NAA50: variants seen among roughly 807,000 people sequenced by gnomAD.
The protein encoded by NAA50 is N-alpha-acetyltransferase 50, NatE catalytic subunit.
NAA50 carries 7 observed loss-of-function variants against 20.7 expected under a neutral mutation model. The ratio of observed to expected loss-of-function variants is 0.34; its 90% CI spans 0.19 to 0.63. The LOEUF is 0.63. Ranked by LOEUF, NAA50 falls within the 30% of genes least tolerant of loss-of-function variation. The pLI is 0.75. For missense variants in NAA50, 111 were observed against 199.1 expected, an observed-to-expected ratio of 0.56 and a Z score of 2.66; for synonymous variants, 54 against 70.6, an observed-to-expected ratio of 0.77 and a Z score of 1.18.
At chr3:113,744,530 C>T (rs1460287247) in intron 1 of NAA50, among the ~76,000 whole-genome samples, 1 of 151,932 alleles carries the variant, frequency 6.6e-6, no homozygotes, top group Non-Finnish European at 1.5e-5. Context: ...ACAACATTCT[C>T]CAAATATGTT....
intron 1 of NAA50, among the ~76,000 whole-genome samples, chr3:113,727,407 A>G (rs910742634): frequency 1.3e-5 from 2 of 152,206 alleles, no homozygotes; most frequent in African/African-American, 4.8e-5. Flanking sequence ...CTAGGCTTCA[A>G]GCATACTTAC....
In NAA50 at chr3:113,721,724, G is replaced by A. The variant is rs376595261; in HGVS notation, c.*36C>T. ...TCAATGGGCCTCTCTTTTATTTGGC[G>A]ACAAGCAAGTGCAAGAAAGTTCATT... On this transcript the variant is annotated 3_prime_UTR_variant, in exon 5 of 5. Coordinates refer to ENST00000240922, the MANE Select transcript of NAA50 (RefSeq NM_025146.4). 38 of 1,611,174 alleles carry A rather than the reference G, an allele frequency of 2.4e-5. No homozygotes were observed. The highest frequency in any genetic ancestry group is 4.5e-5 in the East Asian group (2 of 44,872).
At chr3:113,730,275 T>C (rs1708255883) in intron 1 of NAA50, among the ~76,000 whole-genome samples, 1 of 152,154 alleles carries the variant, frequency 6.6e-6, no homozygotes, top group African/African-American at 2.4e-5. Context: ...CACTCCAGCC[T>C]GAGTGACAGA....
At position 113,721,356 on chromosome 3, in the gene NAA50, T is replaced by C. The variant is rs2107983039; in HGVS notation, c.*404A>G. The C allele has an allele frequency of 4.9e-6, 1 of 202,782 alleles. No homozygotes were observed. Among genetic ancestry groups the C allele is most frequent in the East Asian group, 1.6e-4 (1 of 6,230 alleles). The allele number at this position is 202,782 out of a possible 1,614,324, so 12.6% of individuals were successfully genotyped here. On this transcript the variant is annotated 3_prime_UTR_variant, in exon 5 of 5. Transcript: ENST00000240922. ...GTACCACAAACACACTCAACTTGTC[T>C]ATGAATTAGAGAACAAGATACTGCT... is the stretch of plus-strand genomic sequence containing the variant.
chr3:113,742,464 C>T (rs763547183), intron 1 of NAA50, among the ~76,000 whole-genome samples: 4 of 145,390 alleles, frequency 2.8e-5, no homozygotes, highest in East Asian at 2.0e-4. Flanking sequence ...CTCACTCTGT[C>T]GCCCAGGCAG....
intron 1 of NAA50, among the ~76,000 whole-genome samples, chr3:113,731,796 C>A (rs1443789057): frequency 1.3e-5 from 2 of 152,300 alleles, no homozygotes; most frequent in East Asian, 1.9e-4. Context: ...CGTCAGCAGT[C>A]TGATCTTTTT....
intron 1 of NAA50, among the ~76,000 whole-genome samples, chr3:113,745,303 C>A (rs1353968915): frequency 1.3e-5 from 2 of 152,120 alleles, no homozygotes; most frequent in East Asian, 3.9e-4. Flanking sequence ...ACTACTGAAG[C>A]AACAGCTCCA....
intron 1 of NAA50, among the ~76,000 whole-genome samples, chr3:113,743,000 A>T (rs1708438245): frequency 6.6e-6 from 1 of 152,170 alleles, no homozygotes; most frequent in South Asian, 2.1e-4. Context: ...TTCAAACTAC[A>T]ATGTCCCTGG....
chr3:113,727,704 TAA>T (rs1185269676), intron 1 of NAA50, among the ~76,000 whole-genome samples: 1 of 151,366 alleles, frequency 6.6e-6, no homozygotes, highest in East Asian at 1.9e-4. Context: ...TGGCCAGAAA[TAA>T]GTTTGCTGAT....
chr3:113,735,741 T>C lies in NAA50; in HGVS notation c.8+10201A>G, dbSNP rs1297199614. ...CTCAGAAGCTCAGGCTAGAGTGCAG[T>C]GGCTCAATCTCAGCTTACTGCAACC... is the stretch of plus-strand genomic sequence containing the variant. On this transcript the variant is annotated intron_variant, in intron 1 of 4. Transcript: ENST00000240922. 3.9e-5 allele frequency among the ~76,000 whole-genome samples: 6 copies of C among 152,350 alleles called. No homozygotes were observed. In the East Asian group the frequency reaches 1.2e-3, roughly 29 times the overall value.
chr3:113,721,665 G>T lies in NAA50; in HGVS notation c.*95C>A. 7.6e-7 allele frequency: 1 copy of T among 1,309,632 alleles called. No individual in the cohort carries two copies. The allele number at this position is 1,309,632 out of a possible 1,614,324, so 81.1% of individuals were successfully genotyped here. A position where few individuals can be genotyped will look rare whatever the true frequency, so the allele number is the denominator to read the frequency against. On this transcript the variant is annotated 3_prime_UTR_variant, in exon 5 of 5. Transcript: ENST00000240922. Reference sequence around the variant, plus strand: ...AAAACAAGAACAAGGAGGGAGAAAAGCTTTAAAAGAAAAGTGTTGGGGTGG... The same window carrying T: ...AAAACAAGAACAAGGAGGGAGAAAATCTTTAAAAGAAAAGTGTTGGGGTGG...
At chr3:113,739,672 ACT>A (rs901769660) in intron 1 of NAA50, 2 of 152,230 alleles carry the variant, frequency 1.3e-5, no homozygotes, top group African/African-American at 4.8e-5. Context: ...GAATGGCAAC[ACT>A]TTAACCAAAA....
At chr3:113,724,171 A>G in intron 1 of NAA50, 76 bp from the exon 2 acceptor site, 1 of 1,333,356 alleles carries the variant, frequency 7.5e-7, no homozygotes, top group East Asian at 2.7e-5. Context: ...AAGGGGTACC[A>G]AGTCTTTTTT....
At chr3:113,744,638 T>C (rs1223813735) in intron 1 of NAA50, among the ~76,000 whole-genome samples, 1 of 152,252 alleles carries the variant, frequency 6.6e-6, no homozygotes, top group Non-Finnish European at 1.5e-5. Context: ...TGGAACTCTT[T>C]ACAACTTGAT....
chr3:113,739,129 T>C (rs1442631228), intron 1 of NAA50, among the ~76,000 whole-genome samples: 1 of 152,194 alleles, frequency 6.6e-6, no homozygotes, highest in African/African-American at 2.4e-5. Context: ...AAAGTAAAAG[T>C]AGAGTTAAAG....
chr3:113,729,869 T>G (rs566938767), intron 1 of NAA50, among the ~76,000 whole-genome samples: 2 of 152,280 alleles, frequency 1.3e-5, no homozygotes, highest in South Asian at 4.2e-4. Context: ...TACAGCTTCC[T>G]TCAAATCAAA....
intron 1 of NAA50, among the ~76,000 whole-genome samples, chr3:113,727,729 T>G (rs1708216923): frequency 6.6e-6 from 1 of 152,108 alleles, no homozygotes; most frequent in Admixed American, 6.5e-5. Context: ...TCTTCCAATA[T>G]TTTTCTATGC....
chr3:113,728,402 T>C (rs1306689552), intron 1 of NAA50, among the ~76,000 whole-genome samples: 3 of 152,220 alleles, frequency 2.0e-5, no homozygotes, highest in South Asian at 2.1e-4. Context: ...GTATATACAA[T>C]GTGCTACTAA....
In NAA50 at chr3:113,717,711, CAGACT is replaced by C. The variant is rs1425311176; in HGVS notation, c.*4044_*4048del. On this transcript the variant is annotated 3_prime_UTR_variant, in exon 5 of 5. Transcript: ENST00000240922. ...CAGTGAGAACAGCATCAGTCTGAGACAGACTAGTCTCCCCTCCCCACTGAAAACCC... is the reference window on the plus strand; with the variant it reads ...CAGTGAGAACAGCATCAGTCTGAGACAGTCTCCCCTCCCCACTGAAAACCC... The C allele has an allele frequency of 2.0e-5, 3 of 152,216 alleles. No homozygotes were observed. The highest frequency in any genetic ancestry group is 4.4e-5 in the Non-Finnish European group (3 of 68,066). 9.4% of individuals were successfully genotyped at this position (152,216 alleles called of 1,614,324 possible).
Sources: gnomAD v4.1 joint callset for allele counts (sites outside exome capture counted in the v4.1 genomes callset) on GRCh38, gnomAD v4.1.1 for gene constraint, MANE v1.5 for transcripts, NCBI Gene and HGNC (gene_info 2026-07-23, HGNC 2026-07-21) for gene names.